SLC13A1: variants seen among roughly 807,000 people sequenced by gnomAD.
The protein encoded by SLC13A1 is Na(+)/sulfate cotransporter.
In SLC13A1, 65 loss-of-function variants were observed where a neutral mutation model predicts 70.0. The ratio of observed to expected loss-of-function variants is 0.93; its 90% confidence interval spans 0.76 to 1.14. The LOEUF is 1.14. Ranked by LOEUF, SLC13A1 falls within the 50% of genes most tolerant of loss-of-function variation. SLC13A1 has a pLI of 0.00. For missense variants in SLC13A1, 726 were observed against 717.8 expected (o/e 1.01, Z -0.13); for synonymous variants, 275 against 250.5 (o/e 1.10, Z -0.92).
chr7:123,180,919 G>A, intron 2 of SLC13A1, 54 bp downstream of exon 2: 1 of 1,547,688 alleles, frequency 6.5e-7, no homozygotes, highest in Non-Finnish European at 8.8e-7. Flanking sequence ...TTTCTCAATG[G>A]AAATCTCAAT....
At chr7:123,183,047 C>A (rs981578261) in intron 1 of SLC13A1, among the ~76,000 whole-genome samples, 6 of 152,050 alleles carry the variant, frequency 3.9e-5, no homozygotes, top group African/African-American at 1.4e-4. Flanking sequence ...CATAATGCAT[C>A]CCTTTCTCTG....
Position 123,115,229 on chromosome 7 carries a change from G to A in SLC13A1, c.*289C>T, listed in dbSNP as rs1793138854. ...AAACAAATGCTCTAATCTCTTTGAA[G>A]GTCAAGTTATAAATTATTCTTATGA... On this transcript the variant is annotated 3_prime_UTR_variant, in exon 15 of 15. Transcript: ENST00000194130. 2 of 210,272 alleles carry A rather than the reference G, an allele frequency of 9.5e-6. No homozygotes were observed. Among genetic ancestry groups the A allele is most frequent in the African/African-American group, 4.6e-5 (2 of 43,700 alleles). The allele number at this position is 210,272 out of a possible 1,614,324, so 13.0% of individuals were successfully genotyped here. A position where few individuals can be genotyped will look rare whatever the true frequency, so the allele number is the denominator to read the frequency against.
chr7:123,134,252 T>G (rs952138877), intron 8 of SLC13A1, among the ~76,000 whole-genome samples, 158 bp downstream of exon 8: 5 of 152,140 alleles, frequency 3.3e-5, no homozygotes, highest in Admixed American at 3.3e-4. Flanking sequence ...GATTCAACCT[T>G]ATCCTTAAAA....
At chr7:123,164,904 A>ATT (rs35310053) in intron 6 of SLC13A1, among the ~76,000 whole-genome samples, 5 of 149,672 alleles carry the variant, frequency 3.3e-5, no homozygotes, top group African/African-American at 9.8e-5. Flanking sequence ...TAATATTTGT[A>ATT]TTTTTTTTTT....
At chr7:123,147,089 A>C in intron 7 of SLC13A1, 70 bp downstream of exon 7, 1 of 1,463,136 alleles carries the variant, frequency 6.8e-7, no homozygotes, top group South Asian at 1.3e-5. Context: ...TCTCTGAATC[A>C]GGTAAGAATA....
chr7:123,148,291 T>A, intron 6 of SLC13A1: 1 of 275,152 alleles, frequency 3.6e-6, no homozygotes, highest in South Asian at 3.1e-5. Context: ...AGTGACTGAA[T>A]GACTACACTA....
At chr7:123,119,265 T>C (rs1301993176) in intron 12 of SLC13A1, 23 bp from the exon 13 acceptor site, 1 of 1,507,314 alleles carries the variant, frequency 6.6e-7, no homozygotes, top group African/African-American at 1.4e-5. Flanking sequence ...TTTGCAATAT[T>C]TGTTACTCAT....
At chr7:123,157,894 C>T (rs551457066) in intron 6 of SLC13A1, among the ~76,000 whole-genome samples, 3 of 152,110 alleles carry the variant, frequency 2.0e-5, no homozygotes, top group African/African-American at 7.2e-5. Context: ...AAGCTGGTAT[C>T]CTTTGCAGAA....
intron 2 of SLC13A1, among the ~76,000 whole-genome samples, chr7:123,178,960 C>T (rs1795548914): frequency 6.6e-6 from 1 of 152,012 alleles, no homozygotes; most frequent in African/African-American, 2.4e-5. Flanking sequence ...GGAGTACTTA[C>T]TATGTAATGA....
chr7:123,125,759 A>T, intron 10 of SLC13A1, 84 bp from the exon 11 acceptor site: 2 of 914,480 alleles, frequency 2.2e-6, no homozygotes, highest in South Asian at 2.7e-5. Context: ...ATAACATATC[A>T]GTAATAGGTT....
At chr7:123,139,428 A>AT (rs529674207) in intron 7 of SLC13A1, among the ~76,000 whole-genome samples, 78 of 149,534 alleles carry the variant, frequency 5.2e-4, no homozygotes, top group Non-Finnish European at 6.9e-4. Context: ...AAATTTTAGG[A>AT]TTTTTTTTTT....
At position 123,113,830 on chromosome 7, in the gene SLC13A1, T is replaced by C. The variant is rs986139997; in HGVS notation, c.*1688A>G. The C allele has an allele frequency of 1.3e-5, 2 of 152,172 alleles. No individual in the cohort carries two copies. The highest frequency in any genetic ancestry group is 1.3e-4 in the Admixed American group (2 of 15,278). The allele number at this position is 152,172 out of a possible 1,614,324, so 9.4% of individuals were successfully genotyped here. On this transcript the variant is annotated 3_prime_UTR_variant, in exon 15 of 15. Transcript: ENST00000194130. ...TAGATAAATAATGAACATGGCCAAT[T>C]AATAATTCGTATGTTAAATATTATT... is the stretch of plus-strand genomic sequence containing the variant.
At chr7:123,169,944 G>A (rs971386616) in intron 3 of SLC13A1, among the ~76,000 whole-genome samples, 1 of 152,128 alleles carries the variant, frequency 6.6e-6, no homozygotes, top group Non-Finnish European at 1.5e-5. Flanking sequence ...TCTGATTTAT[G>A]CTCCCCTGAA....
At chr7:123,142,711 A>C in intron 7 of SLC13A1, among the ~76,000 whole-genome samples, 1 of 138,744 alleles carries the variant, frequency 7.2e-6, no homozygotes, top group African/African-American at 2.8e-5. Flanking sequence ...TCTGCCTCCC[A>C]AATTCAAGCG....
chr7:123,140,688 C>G (rs918416443), intron 7 of SLC13A1, among the ~76,000 whole-genome samples: 1 of 151,952 alleles, frequency 6.6e-6, no homozygotes, highest in Non-Finnish European at 1.5e-5. Context: ...TCCATTTCTT[C>G]TAGGTTTTCT....
intron 6 of SLC13A1, among the ~76,000 whole-genome samples, chr7:123,151,315 A>G (rs1302949881): frequency 6.6e-6 from 1 of 151,868 alleles, no homozygotes; most frequent in Non-Finnish European, 1.5e-5. Flanking sequence ...TGAGCAATAG[A>G]GCAAGACCCG....
intron 6 of SLC13A1, among the ~76,000 whole-genome samples, chr7:123,153,578 C>A (rs747314859): frequency 4.6e-5 from 7 of 151,906 alleles, no homozygotes; most frequent in Admixed American, 2.0e-4. Context: ...TAGCAGAGGG[C>A]ACTGAGCTGA....
At chr7:123,121,128 C>T (rs1422972429) in intron 12 of SLC13A1, among the ~76,000 whole-genome samples, 1 of 151,980 alleles carries the variant, frequency 6.6e-6, no homozygotes. Flanking sequence ...CTTTGTGAGC[C>T]AGTGTCTCAT....
chr7:123,186,511 C>G (rs1410562846), intron 1 of SLC13A1, among the ~76,000 whole-genome samples: 1 of 152,040 alleles, frequency 6.6e-6, no homozygotes, highest in African/African-American at 2.4e-5. Flanking sequence ...TGTCTCTTTC[C>G]TCTTTTTCTT....
Sources: gnomAD v4.1 joint callset for allele counts (sites outside exome capture counted in the v4.1 genomes callset) on GRCh38, gnomAD v4.1.1 for gene constraint, MANE v1.5 for transcripts, NCBI Gene and HGNC (gene_info 2026-07-23, HGNC 2026-07-21) for gene names.